NR2E3: variants seen among roughly 807,000 people sequenced by gnomAD.
NR2E3 encodes photoreceptor-specific nuclear receptor.
A neutral mutation model predicts 37.6 loss-of-function variants in NR2E3; 38 were observed. That is an observed-to-expected ratio of 1.01 (90% CI 0.78 to 1.33). The LOEUF (loss-of-function observed/expected upper bound fraction) is 1.33. NR2E3 is among the 40% of genes most tolerant of loss of function. The probability of loss-of-function intolerance (pLI) is 0.00; values close to 1 mark genes in which losing one functional copy is unlikely to be tolerated. For missense variants in NR2E3, 562 were observed against 558.7 expected (o/e 1.01, Z -0.06); for synonymous variants, 235 against 225.1 (o/e 1.04, Z -0.39).
Position 71,811,749 on chromosome 15 carries a change from C to T in NR2E3, c.246-17C>T. On this transcript the variant is annotated splice_polypyrimidine_tract_variant and intron_variant, in intron 2 of 7. Coordinates refer to ENST00000617575, the MANE Select transcript of NR2E3 (RefSeq NM_014249.4). The surrounding 1 kb of genome is among the most constrained non-coding windows in gnomAD (Gnocchi z 5.6). ...TGGGAGGGACACTGACCCCTGGGGT[C>T]TCCTCTTCACCTGCAGGTGCCAGGT... The T allele has an allele frequency of 6.5e-7, 1 of 1,549,414 alleles. No individual in the cohort carries two copies. The highest frequency in any genetic ancestry group is 8.7e-7 in the Non-Finnish European group (1 of 1,145,504).
At position 71,813,338 on chromosome 15, in the gene NR2E3, A is replaced by T; in HGVS notation, c.748-51A>T. 1 of 1,589,372 alleles carries T rather than the reference A, an allele frequency of 6.3e-7. No individual in the cohort carries two copies. Among genetic ancestry groups the T allele is most frequent in the Non-Finnish European group, 8.6e-7 (1 of 1,169,024 alleles). Reference sequence around the variant, plus strand: ...AGATGGTGGCAGAGGCTCCAGACTGAGCCAGAGAAGCTGTGTGTCTGCCAT... The same window carrying T: ...AGATGGTGGCAGAGGCTCCAGACTGTGCCAGAGAAGCTGTGTGTCTGCCAT... On this transcript the variant is annotated intron_variant, in intron 5 of 7. Transcript: ENST00000617575. The surrounding 1 kb of genome is among the most constrained non-coding windows in gnomAD (Gnocchi z 4.7).
chr15:71,811,127 G>T lies in NR2E3; in HGVS notation c.118+266G>T, dbSNP rs2054175263. Among the ~76,000 whole-genome samples, 1 of 152,124 alleles carries T rather than the reference G, an allele frequency of 6.6e-6. No individual in the cohort carries two copies. The highest frequency in any genetic ancestry group is 1.5e-5 in the Non-Finnish European group (1 of 67,990). On this transcript the variant is annotated intron_variant, in intron 1 of 7. Transcript: ENST00000617575. This position sits in a 1 kb window ranked among gnomAD's most constrained non-coding sequence, Gnocchi z 5.6. ...GAAAGAACAGAGAAGCGCCCTTAGG[G>T]CTTAACAGCACAGAGGTCCCTAGTG...
intron 7 of NR2E3, 186 bp downstream of exon 7, chr15:71,814,303 A>ATT: frequency 3.6e-6 from 5 of 1,395,542 alleles, no homozygotes; most frequent in Non-Finnish European, 4.6e-6. Context: ...AGATGTACAT[A>ATT]AGACAAAGCT....
Position 71,810,583 on chromosome 15 carries a change from G to C in NR2E3, c.-161G>C. On this transcript the variant is annotated 5_prime_UTR_variant, in exon 1 of 8. Coordinates refer to ENST00000617575, the MANE Select transcript of NR2E3 (RefSeq NM_014249.4). Reference sequence around the variant, plus strand: ...ATCTCCTCAAGCCAGAGCCTGTGCTGTGAGGGGCTTCGGGACCTTGGGGCA... The same window carrying C: ...ATCTCCTCAAGCCAGAGCCTGTGCTCTGAGGGGCTTCGGGACCTTGGGGCA... The C allele has an allele frequency of 1.9e-6, 2 of 1,067,566 alleles. No individual in the cohort carries two copies. Among genetic ancestry groups the C allele is most frequent in the Non-Finnish European group, 2.7e-6 (2 of 753,754 alleles). 66.1% of individuals were successfully genotyped at this position (1,067,566 alleles called of 1,614,324 possible). A position where few individuals can be genotyped will look rare whatever the true frequency, so the allele number is the denominator to read the frequency against.
In NR2E3 at chr15:71,811,606, A is replaced by G. The variant is rs1246315416; in HGVS notation, c.242A>G (p.Tyr81Cys). 7.5e-6 allele frequency: 12 copies of G among 1,603,754 alleles called. No homozygotes were observed. Among genetic ancestry groups the G allele is most frequent in the Non-Finnish European group, 8.5e-6 (10 of 1,175,816 alleles). ...FKRSVRRRLI[Y>C]RCQVGAGMCP... is the part of the protein sequence containing the mutation. The stretch of plus-strand genomic sequence containing the variant: ...AGGAGCGTACGGCGGAGGCTCATCT[A>G]CAGGTGAGTGCGGTGGGCCCTGCTG... The change falls in exon 2 of 8, where the codon TAC (tyrosine) becomes TGC (cysteine). Residue 81 changes from tyrosine to cysteine, a missense_variant. Transcript: ENST00000617575. This position sits in a 1 kb window ranked among gnomAD's most constrained non-coding sequence, Gnocchi z 5.6.
Position 71,811,748 on chromosome 15 carries a change from TCTC to T in NR2E3, c.246-14_246-12del, listed in dbSNP as rs1440628831. The T allele has an allele frequency of 5.2e-6, 8 of 1,548,618 alleles. No individual in the cohort carries two copies. Among genetic ancestry groups the T allele is most frequent in the Middle Eastern group, 1.7e-4 (1 of 5,996 alleles). On this transcript the variant is annotated splice_polypyrimidine_tract_variant and intron_variant, in intron 2 of 7. Transcript: ENST00000617575. The surrounding 1 kb of genome is among the most constrained non-coding windows in gnomAD (Gnocchi z 5.6). The stretch of plus-strand genomic sequence containing the variant: ...ATGGGAGGGACACTGACCCCTGGGG[TCTC>T]CTCTTCACCTGCAGGTGCCAGGTGG...
At chr15:71,816,507 G>A (rs1016283305) in intron 7 of NR2E3, among the ~76,000 whole-genome samples, 6 of 151,952 alleles carry the variant, frequency 3.9e-5, no homozygotes, top group Non-Finnish European at 5.9e-5. Context: ...TGTTCCGCCC[G>A]CCTCGGCCTC....
At chr15:71,812,577 C>A in intron 5 of NR2E3, 66 bp downstream of exon 5, 1 of 1,404,016 alleles carries the variant, frequency 7.1e-7, no homozygotes, top group Non-Finnish European at 9.6e-7. Context: ...CTCGAGTCAA[C>A]CAGACAGGGC....
rs753351983 is a variant in NR2E3 at position 71,813,355 on chromosome 15, G to A, written c.748-34G>A. The A allele has an allele frequency of 1.2e-6, 2 of 1,602,514 alleles. No individual in the cohort carries two copies. Among genetic ancestry groups the A allele is most frequent in the African/African-American group, 2.7e-5 (2 of 74,744 alleles). ...CCAGACTGAGCCAGAGAAGCTGTGT[G>A]TCTGCCATAACAGGCACCCCTGTCT... On this transcript the variant is annotated intron_variant, in intron 5 of 7. Transcript: ENST00000617575. This position sits in a 1 kb window ranked among gnomAD's most constrained non-coding sequence, Gnocchi z 4.7.
In NR2E3 at chr15:71,812,465, G is replaced by T. The variant is rs1200322637; in HGVS notation, c.701G>T (p.Trp234Leu). 2 of 1,613,698 alleles carry T rather than the reference G, an allele frequency of 1.2e-6. No homozygotes were observed. The highest frequency in any genetic ancestry group is 2.7e-5 in the African/African-American group (2 of 74,912). ...SARLLFMAVK[W>L]AKNLPVFSSL... Reference sequence around the variant, plus strand: ...CGCCTACTCTTCATGGCCGTCAAGTGGGCCAAGAACCTGCCTGTGTTCTCC... The same window carrying T: ...CGCCTACTCTTCATGGCCGTCAAGTTGGCCAAGAACCTGCCTGTGTTCTCC... Residue 234 changes from tryptophan (W) to leucine (L), a missense_variant, in exon 5 of 8, where the codon TGG becomes TTG. By Grantham distance (61) the Trp-to-Leu change is moderately conservative. Transcript: ENST00000617575.
At position 71,813,870 on chromosome 15, in the gene NR2E3, G is replaced by T; in HGVS notation, c.995-142G>T. ...CCCTGAGCCCCAGCCGGAGCCCCTGGTGGCTCCTCTGGGCCTGGCAGAGCC... is the reference window on the plus strand; with the variant it reads ...CCCTGAGCCCCAGCCGGAGCCCCTGTTGGCTCCTCTGGGCCTGGCAGAGCC... On this transcript the variant is annotated intron_variant, in intron 6 of 7. Coordinates refer to ENST00000617575, the MANE Select transcript of NR2E3 (RefSeq NM_014249.4). This position sits in a 1 kb window ranked among gnomAD's most constrained non-coding sequence, Gnocchi z 4.7. 6.6e-7 allele frequency: 1 copy of T among 1,512,768 alleles called. No individual in the cohort carries two copies. The highest frequency in any genetic ancestry group is 8.8e-7 in the Non-Finnish European group (1 of 1,134,864). 93.7% of individuals were successfully genotyped at this position (1,512,768 alleles called of 1,614,324 possible).
chr15:71,810,915 A>G, intron 1 of NR2E3, 54 bp downstream of exon 1: 3 of 1,477,770 alleles, frequency 2.0e-6, no homozygotes, highest in Non-Finnish European at 1.8e-6. Context: ...GAGCAGGGTA[A>G]GGGCCAGAGG....
rs918428110 is a variant in NR2E3 at position 71,811,915 on chromosome 15, C to T, written c.350-40C>T. ...GGGGGAGGTGACAAGAAATGGGCAGCGGGACTGGCGTGTCGTCCTGACCCT... is the reference window on the plus strand; with the variant it reads ...GGGGGAGGTGACAAGAAATGGGCAGTGGGACTGGCGTGTCGTCCTGACCCT... On this transcript the variant is annotated intron_variant, in intron 3 of 7. Coordinates refer to ENST00000617575, the MANE Select transcript of NR2E3 (RefSeq NM_014249.4). This position sits in a 1 kb window ranked among gnomAD's most constrained non-coding sequence, Gnocchi z 5.6. The T allele has an allele frequency of 8.4e-6, 13 of 1,548,572 alleles. No homozygotes were observed. Among genetic ancestry groups the T allele is most frequent in the African/African-American group, 4.1e-5 (3 of 73,004 alleles).
Position 71,817,633 on chromosome 15 carries a change from C to T in NR2E3, c.1182C>T (p.Thr394=), listed in dbSNP as rs2140294988. 2 of 1,610,374 alleles carry T rather than the reference C, an allele frequency of 1.2e-6. No individual in the cohort carries two copies. The highest frequency in any genetic ancestry group is 1.7e-6 in the Non-Finnish European group (2 of 1,176,886). ...ERIELLFFRK[T]IGNTPMEKLL... is the part of the protein sequence containing the mutation. ...TCGAGCTCCTCTTTTTCCGCAAGAC[C>T]ATAGGGAATACTCCAATGGAGAAGC... is the stretch of plus-strand genomic sequence containing the variant. The change falls in exon 8 of 8, where the codon ACC becomes ACT. Residue 394 remains threonine, a synonymous_variant. Coordinates refer to ENST00000617575, the MANE Select transcript of NR2E3 (RefSeq NM_014249.4).
Position 71,812,013 on chromosome 15 carries a change from G to T in NR2E3, c.408G>T (p.Glu136Asp), listed in dbSNP as rs550461615. The T allele has an allele frequency of 1.9e-6, 3 of 1,555,176 alleles. No individual in the cohort carries two copies. The South Asian group carries it at 3.6e-5, about 18-fold the overall frequency. The change falls in exon 4 of 8, where the codon GAG (glutamate) becomes GAT (aspartate). Residue 136 changes from glutamate (E) to aspartate (D), a missense_variant. By Grantham distance (45) the Glu-to-Asp change is conservative (BLOSUM62 2). Coordinates refer to ENST00000617575, the MANE Select transcript of NR2E3 (RefSeq NM_014249.4). ...STAQVHLDSM[E>D]SNTESRPESL... is the part of the protein sequence containing the mutation. ...CCCAGGTCCACCTGGACAGCATGGA[G>T]TCCAACACTGAGTCCCGGCCGGAGT...
chr15:71,812,199 GCACAGCAGGGCTTGGCTTCCCGGGT>G (rs753828211), intron 4 of NR2E3, 23 bp downstream of exon 4: 31 of 1,598,356 alleles, frequency 1.9e-5, no homozygotes, highest in African/African-American at 2.7e-5. Context: ...GCAGCTGAGG[GCACAGCAGGGCTTGGCTTCCCGGGT>G]CACAGCAGGG....
At chr15:71,814,469 C>A in intron 7 of NR2E3, 1 of 1,055,000 alleles carries the variant, frequency 9.5e-7, no homozygotes, top group East Asian at 7.5e-5. Context: ...CAGGGCTGGA[C>A]TTGAAAGGAA....
intron 7 of NR2E3, among the ~76,000 whole-genome samples, chr15:71,817,141 G>C (rs906910396): frequency 6.2e-5 from 9 of 146,282 alleles, no homozygotes; most frequent in Non-Finnish European, 1.0e-4. Context: ...CTCTGTAGCC[G>C]AGGCTGGAGT....
In NR2E3 at chr15:71,811,469, C is replaced by CCAG; in HGVS notation, c.119-13_119-12insAGC. 3.2e-6 allele frequency: 5 copies of CCAG among 1,552,678 alleles called. No homozygotes were observed. The South Asian group carries it at 5.9e-5, about 18-fold the overall frequency. On this transcript the variant is annotated splice_polypyrimidine_tract_variant and intron_variant, in intron 1 of 7. Transcript: ENST00000617575. This position sits in a 1 kb window ranked among gnomAD's most constrained non-coding sequence, Gnocchi z 5.6. ...CAGCCCTGCCCTGGCCCAGCCCTGC[C>CCAG]CCCTGCCCCTCAGGCGTGAGCCCCT... is the stretch of plus-strand genomic sequence containing the variant.
Sources: allele counts gnomAD v4.1 joint callset (sites outside exome capture counted in the v4.1 genomes callset), GRCh38; gene constraint gnomAD v4.1.1; non-coding constraint Gnocchi (gnomAD v3.1); transcripts MANE v1.5; gene names NCBI Gene and HGNC (gene_info 2026-07-23, HGNC 2026-07-21).